Variants in SLC26A7 observed in about 807,000 individuals in gnomAD.
SLC26A7 encodes the protein anion exchange transporter.
SLC26A7 carries 59 observed loss-of-function variants against 82.5 expected under a neutral mutation model. That is an observed-to-expected ratio of 0.72 (90% CI 0.58 to 0.89). SLC26A7 has a LOEUF of 0.89. Among genes scored for constraint, SLC26A7 ranks in the 40% least tolerant of loss-of-function variants. The pLI is 0.00. For synonymous variants in SLC26A7, 271 were observed against 274.3 expected (o/e 0.99, Z 0.12); for missense variants, 820 against 793.0 (o/e 1.03, Z -0.41).
chr8:91,356,052 A>G (rs1282585843), intron 11 of SLC26A7, among the ~76,000 whole-genome samples: 2 of 150,732 alleles, frequency 1.3e-5, no homozygotes, highest in Non-Finnish European at 2.9e-5. Context: ...TACAAAGGAC[A>G]TGAACTCATC....
intron 2 of SLC26A7, among the ~76,000 whole-genome samples, chr8:91,221,789 T>A (rs1386072219): frequency 6.6e-6 from 1 of 152,246 alleles, no homozygotes; most frequent in Non-Finnish European, 1.5e-5. Context: ...TAGTATAGTT[T>A]GAAGTCAGGT....
chr8:91,283,634 C>G (rs1447584871), intron 2 of SLC26A7, among the ~76,000 whole-genome samples: 1 of 152,152 alleles, frequency 6.6e-6, no homozygotes, highest in Non-Finnish European at 1.5e-5. Flanking sequence ...GGGATGAGAA[C>G]TTTAAAGTGC....
At chr8:91,310,871 T>C (rs765045813) in intron 4 of SLC26A7, among the ~76,000 whole-genome samples, 1 of 151,998 alleles carries the variant, frequency 6.6e-6, no homozygotes. Context: ...ACAGTGCACT[T>C]GGTCTCTCAA....
intron 2 of SLC26A7, among the ~76,000 whole-genome samples, chr8:91,260,743 T>G (rs1810939402): frequency 6.6e-6 from 1 of 152,064 alleles, no homozygotes; most frequent in African/African-American, 2.4e-5. Flanking sequence ...GGTTTCTTGA[T>G]CATAGTGATT....
At chr8:91,364,786 G>T (rs1443743216) in intron 13 of SLC26A7, among the ~76,000 whole-genome samples, 1 of 152,214 alleles carries the variant, frequency 6.6e-6, no homozygotes, top group Non-Finnish European at 1.5e-5. Flanking sequence ...TTTGTAGGAA[G>T]ATGAAAATGC....
chr8:91,228,150 G>A (rs758942566), intron 2 of SLC26A7, among the ~76,000 whole-genome samples: 2 of 152,220 alleles, frequency 1.3e-5, no homozygotes. Flanking sequence ...AAAGGTCCTT[G>A]TCTCATTAGA....
chr8:91,394,685 T>C, intron 18 of SLC26A7: 2 of 1,094,646 alleles, frequency 1.8e-6, no homozygotes, highest in Non-Finnish European at 2.2e-6. Context: ...AAAATAATAA[T>C]AACACTATTA....
At chr8:91,258,229 T>C (rs1391856364) in intron 2 of SLC26A7, among the ~76,000 whole-genome samples, 1 of 152,136 alleles carries the variant, frequency 6.6e-6, no homozygotes, top group Non-Finnish European at 1.5e-5. Flanking sequence ...TGGTTAATTG[T>C]AGGAATATAT....
chr8:91,354,569 T>G (rs1182218348), intron 11 of SLC26A7, among the ~76,000 whole-genome samples: 3 of 152,098 alleles, frequency 2.0e-5, no homozygotes, highest in Non-Finnish European at 4.4e-5. Flanking sequence ...ATAAAATGTA[T>G]GTATTAGAAA....
intron 7 of SLC26A7, among the ~76,000 whole-genome samples, chr8:91,338,639 A>G (rs955430812): frequency 2.6e-5 from 4 of 152,132 alleles, no homozygotes; most frequent in Admixed American, 6.6e-5. Flanking sequence ...TGAAATAGCA[A>G]ACCCTAGGCC....
intron 4 of SLC26A7, 100 bp downstream of exon 4, chr8:91,295,803 T>TCCACCTATAAAGACA: frequency 8.1e-7 from 1 of 1,234,764 alleles, no homozygotes; most frequent in Non-Finnish European, 1.1e-6. Context: ...TTTGTCTTTA[T>TCCACCTATAAAGACA]AGGTGGATAA....
At chr8:91,257,141 A>G (rs1219198084) in intron 2 of SLC26A7, among the ~76,000 whole-genome samples, 4 of 152,074 alleles carry the variant, frequency 2.6e-5, no homozygotes, top group South Asian at 2.1e-4. Flanking sequence ...ACAATGAGCT[A>G]TTGCTCTTTC....
In SLC26A7 at chr8:91,227,916, T is replaced by C. The variant is rs560230791; in HGVS notation, c.-34+8911T>C. Among the ~76,000 whole-genome samples the C allele has an allele frequency of 1.6e-3, 247 of 152,346 alleles. 2 individuals are homozygous for C. Among genetic ancestry groups the C allele is most frequent in the African/African-American group, 5.8e-3 (243 of 41,586 alleles). ...TTTCTAGACTGCAGCTATTAGAAAA[T>C]AAGTGGCTGGAAGTCACTTGCTCTT... is the stretch of plus-strand genomic sequence containing the variant. On this transcript the variant is annotated intron_variant, in intron 2 of 5. Coordinates refer to the SLC26A7 transcript ENST00000522862.
intron 2 of SLC26A7, among the ~76,000 whole-genome samples, chr8:91,237,476 G>A (rs775223089): frequency 3.3e-5 from 5 of 152,172 alleles, no homozygotes; most frequent in Admixed American, 6.5e-5. Context: ...CTCCTTTGTC[G>A]ATACTTCTCC....
At chr8:91,352,269 T>C (rs748806690) in intron 10 of SLC26A7, among the ~76,000 whole-genome samples, 1 of 152,142 alleles carries the variant, frequency 6.6e-6, no homozygotes, top group Non-Finnish European at 1.5e-5. Context: ...TTCCTGCTGT[T>C]GATATATCTG....
intron 2 of SLC26A7, among the ~76,000 whole-genome samples, chr8:91,264,410 A>G (rs1289806282): frequency 6.6e-6 from 1 of 152,106 alleles, no homozygotes; most frequent in Non-Finnish European, 1.5e-5. Flanking sequence ...TGGCCTTGCC[A>G]GCCTGACACT....
In SLC26A7 at chr8:91,221,250, T is replaced by C. The variant is rs536865500; in HGVS notation, c.-34+2245T>C. Among the ~76,000 whole-genome samples, 278 of 152,332 alleles carry C rather than the reference T, an allele frequency of 1.8e-3. 2 individuals carry two copies. Among genetic ancestry groups the C allele is most frequent in the African/African-American group, 6.1e-3 (254 of 41,574 alleles). ...TTTCTTGTAAATTTGTTTAAGTTCC[T>C]TGTAAATTCTGGATATTAGACCTTT... On this transcript the variant is annotated intron_variant, in intron 2 of 5. Coordinates refer to the SLC26A7 transcript ENST00000522862.
intron 15 of SLC26A7, among the ~76,000 whole-genome samples, chr8:91,382,058 T>A (rs1279271160): frequency 6.6e-6 from 1 of 152,134 alleles, no homozygotes; most frequent in Non-Finnish European, 1.5e-5. Flanking sequence ...GGGCATTTTT[T>A]TCCTATGAGT....
rs537893311 is a variant in SLC26A7, at chr8:91,298,626, G to A, written c.477+2923G>A. Among the ~76,000 whole-genome samples, 143 of 152,172 alleles carry A rather than the reference G, an allele frequency of 9.4e-4. 1 individual carries two copies. Among genetic ancestry groups the A allele is most frequent in the African/African-American group, 3.3e-3 (139 of 41,542 alleles). ...ATTAAAAAATGAATTATCTATTCAG[G>A]AACTTGAAAACCAAGAAACATAATG... On this transcript the variant is annotated intron_variant, in intron 4 of 18. Transcript: ENST00000276609.
Sources: gnomAD v4.1 joint callset for allele counts (sites outside exome capture counted in the v4.1 genomes callset) on GRCh38, gnomAD v4.1.1 for gene constraint, MANE v1.5 for transcripts, NCBI Gene and HGNC (gene_info 2026-07-23, HGNC 2026-07-21) for gene names.